Variants in CACNA1D observed in about 807,000 individuals in gnomAD.
CACNA1D encodes the protein calcium voltage-gated channel subunit alpha1 D.
In CACNA1D, 55 loss-of-function variants were observed where a neutral mutation model predicts 257.1. The observed-to-expected ratio is 0.21, with a 90% CI of 0.17 to 0.27. CACNA1D has a LOEUF of 0.27. Among genes scored for constraint, CACNA1D ranks in the 10% least tolerant of loss-of-function variants. CACNA1D has a pLI of 1.00. For synonymous variants in CACNA1D, 980 were observed against 1,014.9 expected, an observed-to-expected ratio of 0.97 and a Z score of 0.65; for missense variants, 1,876 against 2,784.0, an observed-to-expected ratio of 0.67 and a Z score of 7.34.
At position 53,747,299 on chromosome 3, in the gene CACNA1D, C is replaced by T. The variant is rs2095179441; in HGVS notation, c.3168-3C>T. ...GACGACCCACACCTGTTTTCCTCTC[C>T]AGGGGACTTTTCATCCTCTACAAGG... On this transcript the variant is annotated splice_polypyrimidine_tract_variant and splice_region_variant and intron_variant, in intron 25 of 47. Coordinates refer to ENST00000350061, the MANE Select transcript of CACNA1D (RefSeq NM_001128840.3). 1 of 1,613,844 alleles carries T rather than the reference C, an allele frequency of 6.2e-7. No homozygotes were observed. The highest frequency in any genetic ancestry group is 8.5e-7 in the Non-Finnish European group (1 of 1,179,732).
In CACNA1D at chr3:53,722,390, C is replaced by G; in HGVS notation, c.1582C>G (p.Leu528Val). 6.2e-7 allele frequency: 1 copy of G among 1,614,192 alleles called. No individual in the cohort carries two copies. Among genetic ancestry groups the G allele is most frequent in the Non-Finnish European group, 8.5e-7 (1 of 1,180,004 alleles). The stretch of plus-strand genomic sequence containing the variant: ...CGTGAAGTCTGTCACGTTTTACTGG[C>G]TGGTTATCGTCCTGGTGTTTCTGAA... ...AAVKSVTFYW[L>V]VIVLVFLNTL... Residue 528 changes from leucine (L) to valine (V), a missense_variant, in exon 12 of 48, where the codon CTG becomes GTG. Coordinates refer to ENST00000350061, the MANE Select transcript of CACNA1D (RefSeq NM_001128840.3).
chr3:53,786,782 G>A, intron 39 of CACNA1D, 40 bp from the exon 40 acceptor site: 1 of 1,353,738 alleles, frequency 7.4e-7, no homozygotes, highest in Non-Finnish European at 9.8e-7. Flanking sequence ...TTGGTCTAAT[G>A]TGCTGATTCG....
chr3:53,778,265 C>T (rs755420031), intron 37 of CACNA1D, among the ~76,000 whole-genome samples: 2 of 152,156 alleles, frequency 1.3e-5, no homozygotes, highest in Admixed American at 6.5e-5. Context: ...TGTGGGATCC[C>T]GTTCACTGAT....
chr3:53,656,107 C>A (rs1406758561), intron 4 of CACNA1D, among the ~76,000 whole-genome samples: 1 of 152,090 alleles, frequency 6.6e-6, no homozygotes, highest in Non-Finnish European at 1.5e-5. Context: ...GGCCTTATTT[C>A]TGGGCTCTCT....
intron 3 of CACNA1D, among the ~76,000 whole-genome samples, chr3:53,504,901 A>T (rs1478284747): frequency 6.6e-6 from 1 of 151,934 alleles, no homozygotes; most frequent in African/African-American, 2.4e-5. Context: ...ACTTCTCTGG[A>T]GTGTGGAACT....
intron 3 of CACNA1D, among the ~76,000 whole-genome samples, chr3:53,611,590 A>G (rs2093583988): frequency 6.6e-6 from 1 of 151,962 alleles, no homozygotes; most frequent in Admixed American, 6.6e-5. Flanking sequence ...TAATTTTTCA[A>G]TCATTATTAT....
At chr3:53,705,424 C>G (rs533341522) in intron 9 of CACNA1D, among the ~76,000 whole-genome samples, 1 of 152,140 alleles carries the variant, frequency 6.6e-6, no homozygotes, top group South Asian at 2.1e-4. Context: ...TTCACTCTCA[C>G]TGGGGCTCCC....
intron 3 of CACNA1D, among the ~76,000 whole-genome samples, chr3:53,532,100 T>C (rs568398425): frequency 2.0e-4 from 31 of 152,206 alleles, no homozygotes; most frequent in Non-Finnish European, 4.6e-4. Flanking sequence ...CCCAGGTTTG[T>C]ATGCCTATTT....
At chr3:53,586,276 CTGTGTGTG>C (rs57318445) in intron 3 of CACNA1D, among the ~76,000 whole-genome samples, 276 of 136,018 alleles carry the variant, frequency 2.0e-3, no homozygotes, top group African/African-American at 6.6e-3. Context: ...TGCCTCTATT[CTGTGTGTG>C]TGTGTGTGTG....
chr3:53,753,989 G>T (rs1356446704), intron 29 of CACNA1D, among the ~76,000 whole-genome samples: 1 of 152,250 alleles, frequency 6.6e-6, no homozygotes, highest in African/African-American at 2.4e-5. Flanking sequence ...ATCATGCTGT[G>T]TCAGGGAAAC....
At chr3:53,791,859 C>T (rs1362795320) in intron 40 of CACNA1D, 1 of 152,194 alleles carries the variant, frequency 6.6e-6, no homozygotes. Flanking sequence ...AGTCAGGGAA[C>T]CTGGGTTCTA....
rs1461395729 is a variant in CACNA1D, at chr3:53,718,370, G to A, written c.1460G>A (p.Gly487Asp). 6.2e-7 allele frequency: 1 copy of A among 1,613,898 alleles called. No homozygotes were observed. The highest frequency in any genetic ancestry group is 8.5e-7 in the Non-Finnish European group (1 of 1,179,866). Residue 487 changes from glycine to aspartate, a missense_variant, in exon 10 of 48, where the codon GGC (glycine) becomes GAC (aspartate). Physicochemically the swap from Gly to Asp is moderately conservative, Grantham distance 94. Coordinates refer to ENST00000350061, the MANE Select transcript of CACNA1D (RefSeq NM_001128840.3). ...ENVSGEGENR[G>D]CCGSLCQAIS... The stretch of plus-strand genomic sequence containing the variant: ...GTCAGCGGTGAAGGCGAGAACCGAG[G>A]CTGCTGTGGAAGTCTCTGGTGAGTG...
At chr3:53,792,715 G>T (rs2095489915) in intron 40 of CACNA1D, among the ~76,000 whole-genome samples, 2 of 152,142 alleles carry the variant, frequency 1.3e-5, no homozygotes, top group Non-Finnish European at 2.9e-5. Context: ...CTTGTCCTAG[G>T]TGTGACTGAC....
In CACNA1D at chr3:53,719,830, A is replaced by G. The variant is rs765110642; in HGVS notation, c.1505+49A>G. ...TCGTCAGCCTGTGTGTTGCCTTTGT[A>G]TGTTCTCACTTCTGAATTTTACGTA... is the stretch of plus-strand genomic sequence containing the variant. On this transcript the variant is annotated intron_variant, in intron 11 of 47. Coordinates refer to ENST00000350061, the MANE Select transcript of CACNA1D (RefSeq NM_001128840.3). 8 of 1,546,604 alleles carry G rather than the reference A, an allele frequency of 5.2e-6. No homozygotes were observed. The African/African-American group carries it at 8.2e-5, about 16-fold the overall frequency.
chr3:53,594,805 A>G (rs2093350899), intron 3 of CACNA1D, among the ~76,000 whole-genome samples: 1 of 152,250 alleles, frequency 6.6e-6, no homozygotes, highest in Non-Finnish European at 1.5e-5. Flanking sequence ...TGTGGCAGCC[A>G]CTGTCATAGG....
intron 3 of CACNA1D, among the ~76,000 whole-genome samples, chr3:53,613,339 C>A (rs1237318354): frequency 6.6e-6 from 1 of 152,112 alleles, no homozygotes; most frequent in Non-Finnish European, 1.5e-5. Flanking sequence ...GTTATCCCTC[C>A]CTCTTCCCTC....
intron 3 of CACNA1D, chr3:53,530,370 C>G (rs974306689): frequency 1.3e-5 from 2 of 152,188 alleles, no homozygotes; most frequent in Non-Finnish European, 2.9e-5. Context: ...CCTCTGTCTT[C>G]AGATTGTCGT....
At chr3:53,730,411 G>A (rs369543284) in intron 15 of CACNA1D, 31 bp from the exon 16 acceptor site, 7 of 1,417,102 alleles carry the variant, frequency 4.9e-6, no homozygotes, top group Middle Eastern at 3.5e-4. Flanking sequence ...GCATTTAGTA[G>A]TGTGTTGTGC....
rs1276694001 is a variant in CACNA1D, at chr3:53,812,251, C to T, written c.*845C>T. 1.3e-5 allele frequency: 2 copies of T among 152,150 alleles called. No individual in the cohort carries two copies. The highest frequency in any genetic ancestry group is 3.8e-4 in the East Asian group (2 of 5,200). The allele number at this position is 152,150 out of a possible 1,614,324, so 9.4% of individuals were successfully genotyped here. A position where few individuals can be genotyped will look rare whatever the true frequency, so the allele number is the denominator to read the frequency against. On this transcript the variant is annotated 3_prime_UTR_variant, in exon 48 of 48. Coordinates refer to ENST00000350061, the MANE Select transcript of CACNA1D (RefSeq NM_001128840.3). The stretch of plus-strand genomic sequence containing the variant: ...TATTGTATTTGAACTGCAGCAATAT[C>T]CATGGGTCCTAATAATTGTAGTTCC...
Sources: allele counts gnomAD v4.1 joint callset (sites outside exome capture counted in the v4.1 genomes callset), GRCh38; gene constraint gnomAD v4.1.1; transcripts MANE v1.5; gene names NCBI Gene and HGNC (gene_info 2026-07-23, HGNC 2026-07-21).